SPTB: variants seen among roughly 807,000 people sequenced by gnomAD.
The protein encoded by SPTB is spectrin beta, erythrocytic.
In SPTB, 45 loss-of-function variants were observed where a neutral mutation model predicts 256.2. That is an observed-to-expected ratio of 0.18 (90% CI 0.14 to 0.23). The LOEUF is 0.23. SPTB is among the 10% of genes least tolerant of loss of function. The pLI is 1.00. For missense variants in SPTB, 2,715 were observed against 3,040.4 expected (o/e 0.89, Z 2.52); for synonymous variants, 1,231 against 1,243.1 (o/e 0.99, Z 0.21).
intron 9 of SPTB, among the ~76,000 whole-genome samples, chr14:64,799,130 T>C (rs552211829): frequency 2.0e-5 from 3 of 152,366 alleles, no homozygotes; most frequent in Non-Finnish European, 2.9e-5. Context: ...TGTGTGTGCA[T>C]GCATGTTCAT....
intron 32 of SPTB, among the ~76,000 whole-genome samples, chr14:64,765,244 G>A (rs1230983675): frequency 6.6e-6 from 1 of 152,126 alleles, no homozygotes; most frequent in Non-Finnish European, 1.5e-5. Flanking sequence ...CACCTGGAGA[G>A]GTGGGCTGCA....
intron 29 of SPTB, chr14:64,768,193 C>A: frequency 2.5e-6 from 1 of 395,530 alleles, no homozygotes; most frequent in South Asian, 2.3e-5. Flanking sequence ...AGGTGTGCAC[C>A]ACCATGCCCA....
intron 20 of SPTB, 38 bp downstream of exon 20, chr14:64,782,252 C>G: frequency 6.2e-7 from 1 of 1,614,064 alleles, no homozygotes; most frequent in Non-Finnish European, 8.5e-7. Context: ...ACTATCCCTT[C>G]TATCCTAACA....
intron 1 of SPTB, among the ~76,000 whole-genome samples, chr14:64,851,757 G>T (rs570423303): frequency 1.3e-5 from 2 of 151,856 alleles, no homozygotes; most frequent in African/African-American, 4.8e-5. Flanking sequence ...GCAAACTAAC[G>T]CAGGAATAGA....
At chr14:64,818,502 T>C (rs1315253754) in intron 2 of SPTB, among the ~76,000 whole-genome samples, 3 of 152,060 alleles carry the variant, frequency 2.0e-5, no homozygotes, top group African/African-American at 7.2e-5. Flanking sequence ...CACTCCCTGC[T>C]CTCCCTTCTG....
intron 2 of SPTB, among the ~76,000 whole-genome samples, chr14:64,812,782 G>T (rs888901783): frequency 6.6e-6 from 1 of 152,138 alleles, no homozygotes; most frequent in African/African-American, 2.4e-5. Flanking sequence ...AAACTGTAAA[G>T]TTGAAGTATC....
At chr14:64,837,719 A>G (rs1206543429) in intron 1 of SPTB, among the ~76,000 whole-genome samples, 2 of 152,146 alleles carry the variant, frequency 1.3e-5, no homozygotes, top group Non-Finnish European at 2.9e-5. Context: ...CTCCTGCCTC[A>G]GGCTCCCAAG....
chr14:64,772,457 G>A lies in SPTB; in HGVS notation c.5553+123C>T, dbSNP rs1488275150. 2 of 1,359,178 alleles carry A rather than the reference G, an allele frequency of 1.5e-6. No individual in the cohort carries two copies. Among genetic ancestry groups the A allele is most frequent in the East Asian group, 2.5e-5 (1 of 39,846 alleles). 84.2% of individuals were successfully genotyped at this position (1,359,178 alleles called of 1,614,324 possible). A position where few individuals can be genotyped will look rare whatever the true frequency, so the allele number is the denominator to read the frequency against. ...TGCTCCCAGCCCTGAGCTCCTGGCT[G>A]TCTAAGGAGGCAAAACCTCCTGGCA... is the stretch of plus-strand genomic sequence containing the variant. On this transcript the variant is annotated intron_variant, in intron 26 of 35. Coordinates refer to ENST00000644917, the MANE Select transcript of SPTB (RefSeq NM_001355436.2). This position sits in a 1 kb window ranked among gnomAD's most constrained non-coding sequence, Gnocchi z 5.4.
intron 33 of SPTB, among the ~76,000 whole-genome samples, chr14:64,751,838 C>T (rs371849440): frequency 6.8e-6 from 1 of 148,014 alleles, no homozygotes; most frequent in South Asian, 2.2e-4. Context: ...AATCCCAGCA[C>T]TTTGGGAGGC....
chr14:64,838,186 G>A (rs72726228), intron 1 of SPTB, among the ~76,000 whole-genome samples: 13,836 of 152,080 alleles, frequency 0.091, 815 homozygotes, highest in Non-Finnish European at 0.14. Flanking sequence ...AACAAATTCC[G>A]CTGGAACAAC....
chr14:64,800,833 T>G lies in SPTB; in HGVS notation c.799A>C (p.Ile267Leu), dbSNP rs752289369. 6.2e-7 allele frequency: 1 copy of G among 1,614,230 alleles called. No individual in the cohort carries two copies. Among genetic ancestry groups the G allele is most frequent in the East Asian group, 2.2e-5 (1 of 44,890 alleles). Residue 267 changes from isoleucine to leucine, a missense_variant, in exon 8 of 36, where the codon ATC (isoleucine) becomes CTC (leucine). Ile to Leu is a conservative substitution (Grantham distance 5). Coordinates refer to ENST00000644917, the MANE Select transcript of SPTB (RefSeq NM_001355436.2). Reference protein sequence around the residue: ...FTENPDEKSIITYVVAFYHYF... With the variant: ...FTENPDEKSILTYVVAFYHYF... ...TGGTAAAAGGCCACCACATAGGTGA[T>G]GATGGATTTCTCATCAGGGTTTTCC...
At position 64,749,010 on chromosome 14, in the gene SPTB, GGCGTGT is replaced by G; in HGVS notation, c.*290_*295del. The G allele has an allele frequency of 3.0e-6, 1 of 328,756 alleles. No homozygotes were observed. Among genetic ancestry groups the G allele is most frequent in the South Asian group, 3.3e-5 (1 of 30,118 alleles). 20.4% of individuals were successfully genotyped at this position (328,756 alleles called of 1,614,324 possible). ...GCTCAGGAGGAGGGTGGGAGAGGAG[GGCGTGT>G]GCCTCAGAGAACCGTTTCCTGCCCC... On this transcript the variant is annotated 3_prime_UTR_variant, in exon 36 of 36. Transcript: ENST00000644917. This position sits in a 1 kb window ranked among gnomAD's most constrained non-coding sequence, Gnocchi z 4.7.
chr14:64,796,622 G>C lies in SPTB; in HGVS notation c.1276C>G (p.Arg426Gly). The C allele has an allele frequency of 6.2e-7, 1 of 1,614,182 alleles. No individual in the cohort carries two copies. The highest frequency in any genetic ancestry group is 1.6e-4 in the Middle Eastern group (1 of 6,062). The change falls in exon 11 of 36, where the codon CGC (arginine) becomes GGC (glycine). Residue 426 changes from arginine (R) to glycine (G), a missense_variant. By Grantham distance (125) the Arg-to-Gly change is moderately radical. Around this residue, in one of 4 missense-constraint regions of SPTB, gnomAD observed 416 missense variants for 571.1 expected, o/e 0.73. Coordinates refer to ENST00000644917, the MANE Select transcript of SPTB (RefSeq NM_001355436.2). This position sits in a 1 kb window ranked among gnomAD's most constrained non-coding sequence, Gnocchi z 4.1. ...RQEKLEQLAR[R>G]FDRKAAMRET... ...CTCATTGCGGCCTTCCGGTCAAAGCGCCGGGCCAGTTGCTCTAGCTTCTCC... is the reference window on the plus strand; with the variant it reads ...CTCATTGCGGCCTTCCGGTCAAAGCCCCGGGCCAGTTGCTCTAGCTTCTCC...
chr14:64,787,203 C>G, intron 15 of SPTB, 43 bp from the exon 16 acceptor site: 1 of 1,598,934 alleles, frequency 6.3e-7, no homozygotes, highest in Non-Finnish European at 8.5e-7. Flanking sequence ...GACACCTTCT[C>G]CCTTAGCTCT....
chr14:64,784,421 T>C, intron 18 of SPTB, 28 bp from the exon 19 acceptor site: 1 of 1,613,422 alleles, frequency 6.2e-7, no homozygotes, highest in Non-Finnish European at 8.5e-7. Context: ...GGGCTGACTA[T>C]CCCTGAGTAT....
Position 64,749,296 on chromosome 14 carries a change from GCCCCAC to G in SPTB, c.*4_*9del. 1.3e-6 allele frequency: 2 copies of G among 1,590,818 alleles called. No individual in the cohort carries two copies. Among genetic ancestry groups the G allele is most frequent in the Non-Finnish European group, 1.7e-6 (2 of 1,171,322 alleles). On this transcript the variant is annotated 3_prime_UTR_variant, in exon 36 of 36. Transcript: ENST00000644917. This position sits in a 1 kb window ranked among gnomAD's most constrained non-coding sequence, Gnocchi z 4.7. ...CGTCCCGACTCCGCCGCGCCCGCCA[GCCCCAC>G]CTGCTACTTCTTTTTGGGGAAGAAG...
rs1176536833 is a variant in SPTB, at chr14:64,795,665, AG to A, written c.1342-27del. ...CTGCCCCACCGGGAGAAAAACAGGC[AG>A]CTCAGTCAGACACCCAGGGGCTCAT... is the stretch of plus-strand genomic sequence containing the variant. On this transcript the variant is annotated intron_variant, in intron 11 of 35. Coordinates refer to ENST00000644917, the MANE Select transcript of SPTB (RefSeq NM_001355436.2). This position sits in a 1 kb window ranked among gnomAD's most constrained non-coding sequence, Gnocchi z 6.5. The A allele has an allele frequency of 5.0e-6, 8 of 1,613,152 alleles. No homozygotes were observed. In the East Asian group the frequency reaches 1.8e-4, roughly 36 times the overall value.
Position 64,749,341 on chromosome 14 carries a change from CCTT to C in SPTB, c.6949_6951del (p.Lys2317del), listed in dbSNP as rs776687653. ...TTGGGGAAGAAGCTGAATCTCTTCT[CCTT>C]GTCTTTCTTGCCGAGGCTGGCGTCG... On this transcript the variant is annotated inframe_deletion, in exon 36 of 36. Coordinates refer to ENST00000644917, the MANE Select transcript of SPTB (RefSeq NM_001355436.2). The surrounding 1 kb of genome is among the most constrained non-coding windows in gnomAD (Gnocchi z 4.7). 1.2e-6 allele frequency: 2 copies of C among 1,609,944 alleles called. No individual in the cohort carries two copies. The highest frequency in any genetic ancestry group is 8.5e-7 in the Non-Finnish European group (1 of 1,179,328).
rs1424636448 is a variant in SPTB at position 64,796,552 on chromosome 14, A to G, written c.1341+5T>C. The G allele has an allele frequency of 6.8e-6, 11 of 1,613,986 alleles. No homozygotes were observed. Among genetic ancestry groups the G allele is most frequent in the Non-Finnish European group, 9.3e-6 (11 of 1,180,016 alleles). ...TCCTGTCACCCAAAGCATGTCCCTC[A>G]TTACCTGGGCCACGAGGCGCTGGTT... On this transcript the variant is annotated splice_donor_5th_base_variant and intron_variant, in intron 11 of 35. Transcript: ENST00000644917. This position sits in a 1 kb window ranked among gnomAD's most constrained non-coding sequence, Gnocchi z 4.1.
Sources: allele counts gnomAD v4.1 joint callset (sites outside exome capture counted in the v4.1 genomes callset), GRCh38; gene constraint gnomAD v4.1.1; regional missense constraint gnomAD v4.1.1; non-coding constraint Gnocchi (gnomAD v3.1); transcripts MANE v1.5; gene names NCBI Gene and HGNC (gene_info 2026-07-23, HGNC 2026-07-21).